RYR2: variants seen among roughly 807,000 people sequenced by gnomAD.
RYR2 encodes the protein cardiac muscle ryanodine receptor-calcium release channel.
In RYR2, 227 loss-of-function variants were observed where a neutral mutation model predicts 601.1. The ratio of observed to expected loss-of-function variants is 0.38; its 90% CI spans 0.34 to 0.42. The LOEUF (loss-of-function observed/expected upper bound fraction) is 0.42. Ranked by LOEUF, RYR2 falls within the 10% of genes least tolerant of loss-of-function variation. The pLI, the probability that RYR2 is intolerant of heterozygous loss-of-function variation, is 1.00. For synonymous variants in RYR2, 2,223 were observed against 2,175.1 expected, an observed-to-expected ratio of 1.02 and a Z score of -0.61; for missense variants, 4,646 against 6,156.5, an observed-to-expected ratio of 0.75 and a Z score of 8.21.
chr1:237,410,148 A>C (rs1292188918), intron 10 of RYR2, among the ~76,000 whole-genome samples: 1 of 152,232 alleles, frequency 6.6e-6, no homozygotes, highest in East Asian at 1.9e-4. Context: ...ATAATAGACT[A>C]TGTAAGCTAT....
intron 1 of RYR2, among the ~76,000 whole-genome samples, chr1:237,158,933 C>G (rs559560942): frequency 9.8e-5 from 15 of 152,332 alleles, no homozygotes; most frequent in African/African-American, 3.4e-4. Flanking sequence ...TGTGATCTGG[C>G]AGAGGGCAGC....
intron 1 of RYR2, among the ~76,000 whole-genome samples, chr1:237,257,405 T>G (rs1688100326): frequency 6.6e-6 from 1 of 152,168 alleles, no homozygotes; most frequent in South Asian, 2.1e-4. Context: ...TAAATAAAAC[T>G]AACATGAACC....
At chr1:237,743,166 A>C (rs367959824) in intron 80 of RYR2, among the ~76,000 whole-genome samples, 5 of 152,194 alleles carry the variant, frequency 3.3e-5, no homozygotes, top group Non-Finnish European at 7.4e-5. Flanking sequence ...CTGGACTTTG[A>C]GCTAGAAGTC....
rs575174196 is a variant in RYR2 at position 237,178,326 on chromosome 1, A to G, written c.49-92171A>G. Among the ~76,000 whole-genome samples, 29 of 151,930 alleles carry G rather than the reference A, an allele frequency of 1.9e-4. 1 individual carries two copies. Among genetic ancestry groups the G allele is most frequent in the South Asian group, 1.0e-3 (5 of 4,820 alleles). ...TCTTTCCGGAGTTCTTTGAAAAGGCATTCTTATAGTAGGAGAATTTGTCTG... is the reference window on the plus strand; with the variant it reads ...TCTTTCCGGAGTTCTTTGAAAAGGCGTTCTTATAGTAGGAGAATTTGTCTG... On this transcript the variant is annotated intron_variant, in intron 1 of 104. Transcript: ENST00000366574.
chr1:237,591,648 G>A (rs984934971), intron 31 of RYR2, 91 bp from the exon 32 acceptor site: 1 of 1,103,410 alleles, frequency 9.1e-7, no homozygotes, highest in Non-Finnish European at 1.3e-6. Flanking sequence ...AATCGCCCAG[G>A]TTTAAGGCAA....
At position 237,175,458 on chromosome 1, in the gene RYR2, C is replaced by T. The variant is rs550767194; in HGVS notation, c.49-95039C>T. Among the ~76,000 whole-genome samples the T allele has an allele frequency of 6.6e-5, 10 of 152,132 alleles. No individual in the cohort carries two copies. The East Asian group carries it at 1.9e-3, about 29-fold the overall frequency. On this transcript the variant is annotated intron_variant, in intron 1 of 104. Transcript: ENST00000366574. The stretch of plus-strand genomic sequence containing the variant: ...ATTCTGTAGAGTTATGCCCATTATC[C>T]ATAAATGATTTTTTTCAGTGTATGT...
chr1:237,336,046 A>G (rs1165817366), intron 3 of RYR2, among the ~76,000 whole-genome samples: 3 of 152,140 alleles, frequency 2.0e-5, no homozygotes. Flanking sequence ...TTTTTTTGTC[A>G]TCAATGAGTT....
chr1:237,160,228 C>T (rs956965740), intron 1 of RYR2, among the ~76,000 whole-genome samples: 1 of 152,096 alleles, frequency 6.6e-6, no homozygotes, highest in African/African-American at 2.4e-5. Context: ...ATTTGTATTT[C>T]GTTAGGATCT....
intron 65 of RYR2, among the ~76,000 whole-genome samples, chr1:237,700,954 A>T (rs1687917508): frequency 6.6e-6 from 1 of 152,222 alleles, no homozygotes; most frequent in Non-Finnish European, 1.5e-5. Flanking sequence ...GGTTTCTGAC[A>T]GTTTTTAGGG....
At chr1:237,499,351 G>C (rs1228995121) in intron 20 of RYR2, among the ~76,000 whole-genome samples, 1 of 152,004 alleles carries the variant, frequency 6.6e-6, no homozygotes, top group Non-Finnish European at 1.5e-5. Context: ...AAAAAATCTT[G>C]GTGCTTTGAG....
At chr1:237,686,843 T>C (rs2148965594) in intron 62 of RYR2, among the ~76,000 whole-genome samples, 1 of 152,334 alleles carries the variant, frequency 6.6e-6, no homozygotes, top group African/African-American at 2.4e-5. Context: ...ACATCTGTAA[T>C]GCTTTCCTCT....
intron 100 of RYR2, among the ~76,000 whole-genome samples, chr1:237,815,461 C>T (rs532371777): frequency 6.6e-6 from 1 of 152,296 alleles, no homozygotes; most frequent in African/African-American, 2.4e-5. Flanking sequence ...CCAGTATCAA[C>T]ATCCCACAGG....
chr1:237,148,551 T>C lies in RYR2; in HGVS notation c.48+105982T>C, dbSNP rs78999714. ...AAATATATATATATATATATATATATATACACACACACATATATATATATA... is the reference window on the plus strand; with the variant it reads ...AAATATATATATATATATATATATACATACACACACACATATATATATATA... On this transcript the variant is annotated intron_variant, in intron 1 of 104. Coordinates refer to ENST00000366574, the MANE Select transcript of RYR2 (RefSeq NM_001035.3). 8.0e-4 allele frequency among the ~76,000 whole-genome samples: 101 copies of C among 126,456 alleles called. 2 individuals carry two copies. The East Asian group carries it at 8.2e-3, about 10-fold the overall frequency. 83.0% of individuals were successfully genotyped at this position (126,456 alleles called of 152,430 possible).
chr1:237,703,493 T>A (rs1688125114), intron 66 of RYR2, among the ~76,000 whole-genome samples: 2 of 150,926 alleles, frequency 1.3e-5, no homozygotes, highest in African/African-American at 4.8e-5. Flanking sequence ...TAATAATGCT[T>A]TTGTTCATTA....
chr1:237,468,610 ATC>A (rs1403408676), intron 16 of RYR2, among the ~76,000 whole-genome samples: 2 of 152,222 alleles, frequency 1.3e-5, no homozygotes, highest in East Asian at 3.8e-4. Flanking sequence ...ATTTAGTTAT[ATC>A]TCTCTGTATA....
At chr1:237,063,070 C>T (rs1334136245) in intron 1 of RYR2, among the ~76,000 whole-genome samples, 4 of 151,948 alleles carry the variant, frequency 2.6e-5, no homozygotes, top group Admixed American at 2.6e-4. Flanking sequence ...ATGATTAGGT[C>T]ATGAGGGTAA....
intron 17 of RYR2, among the ~76,000 whole-genome samples, chr1:237,483,973 T>A (rs1428418105): frequency 1.3e-5 from 2 of 152,222 alleles, no homozygotes; most frequent in Non-Finnish European, 2.9e-5. Flanking sequence ...CTTTCGCTGA[T>A]CTGCTGTGGA....
At chr1:237,571,370 A>C (rs1473539682) in intron 29 of RYR2, among the ~76,000 whole-genome samples, 1 of 148,956 alleles carries the variant, frequency 6.7e-6, no homozygotes, top group Non-Finnish European at 1.5e-5. Flanking sequence ...GCTGGAGTGC[A>C]ATGGCGCGAT....
intron 86 of RYR2, among the ~76,000 whole-genome samples, chr1:237,772,813 G>A (rs1234728456): frequency 6.6e-6 from 1 of 151,422 alleles, no homozygotes; most frequent in Non-Finnish European, 1.5e-5. Flanking sequence ...GGTGCATTTT[G>A]AAGTCAGTAC....
Sources: gnomAD v4.1 joint callset for allele counts (sites outside exome capture counted in the v4.1 genomes callset) on GRCh38, gnomAD v4.1.1 for gene constraint, MANE v1.5 for transcripts, NCBI Gene and HGNC (gene_info 2026-07-23, HGNC 2026-07-21) for gene names.